The following ACACA variants were observed in gnomAD, a reference collection of about 807,000 sequenced individuals.
ACACA encodes the protein acetyl-CoA carboxylase 1.
In ACACA, 103 loss-of-function variants were observed where a neutral mutation model predicts 296.1. That is an observed-to-expected ratio of 0.35 (90% CI 0.30 to 0.41). The LOEUF is 0.41. Ranked by LOEUF, ACACA falls within the 10% of genes least tolerant of loss-of-function variation. The pLI, the probability that ACACA is intolerant of heterozygous loss-of-function variation, is 1.00. For missense variants in ACACA, 1,554 were observed against 2,989.7 expected (o/e 0.52, Z 11.20); for synonymous variants, 953 against 1,038.6 (o/e 0.92, Z 1.58).
chr17:37,278,901 C>T (rs1372450196), intron 5 of ACACA, among the ~76,000 whole-genome samples: 1 of 152,090 alleles, frequency 6.6e-6, no homozygotes, highest in African/African-American at 2.4e-5. Flanking sequence ...TTCCAGGATA[C>T]ATGTGCAGGA....
At chr17:37,336,532 T>C (rs557579031) in intron 2 of ACACA, among the ~76,000 whole-genome samples, 1 of 152,126 alleles carries the variant, frequency 6.6e-6, no homozygotes, top group Admixed American at 6.6e-5. Flanking sequence ...GATAAAGAAA[T>C]AGCCAATCAT....
chr17:37,296,890 T>G (rs1316963918), intron 3 of ACACA, among the ~76,000 whole-genome samples: 3 of 151,152 alleles, frequency 2.0e-5, no homozygotes, highest in Admixed American at 6.6e-5. Flanking sequence ...CTAATTTTTG[T>G]ATTTTTAGTA....
At chr17:37,197,264 G>T (rs528634779) in intron 35 of ACACA, among the ~76,000 whole-genome samples, 7 of 152,216 alleles carry the variant, frequency 4.6e-5, no homozygotes, top group African/African-American at 1.4e-4. Flanking sequence ...CTCTACTCTG[G>T]CCCTCATTTG....
chr17:37,238,102 C>T lies in ACACA; in HGVS notation c.3121+2374G>A, dbSNP rs1598279459. On this transcript the variant is annotated intron_variant, in intron 24 of 55. Transcript: ENST00000616317. ...AGTTCTTGAGTGGAGTTTAAGTAAT[C>T]AATCTTTTCTTTTGTAGTTTGTACT... 3.3e-5 allele frequency among the ~76,000 whole-genome samples: 5 copies of T among 152,242 alleles called. 1 individual carries two copies. The highest frequency in any genetic ancestry group is 3.3e-4 in the Admixed American group (5 of 15,282).
intron 35 of ACACA, among the ~76,000 whole-genome samples, chr17:37,197,235 T>A (rs2078044388): frequency 6.6e-6 from 1 of 152,216 alleles, no homozygotes; most frequent in African/African-American, 2.4e-5. Flanking sequence ...CCTAACAATA[T>A]ACACAGCTCT....
At chr17:37,196,638 T>C (rs2078013404) in intron 35 of ACACA, among the ~76,000 whole-genome samples, 1 of 151,630 alleles carries the variant, frequency 6.6e-6, no homozygotes, top group African/African-American at 2.4e-5. Flanking sequence ...AAAAAAAGCA[T>C]AATATTATAT....
intron 3 of ACACA, among the ~76,000 whole-genome samples, chr17:37,288,695 C>T (rs560345517): frequency 6.6e-6 from 1 of 152,116 alleles, no homozygotes; most frequent in South Asian, 2.1e-4. Flanking sequence ...CCCAGGAGTT[C>T]AAGACCAGCC....
intron 41 of ACACA, among the ~76,000 whole-genome samples, chr17:37,173,164 G>A (rs2076940076): frequency 6.6e-6 from 1 of 152,048 alleles, no homozygotes; most frequent in African/African-American, 2.4e-5. Flanking sequence ...ATGAGAAATG[G>A]CCTACCCTTT....
chr17:37,194,946 G>A (rs1162812392), intron 35 of ACACA, among the ~76,000 whole-genome samples: 8 of 143,948 alleles, frequency 5.6e-5, no homozygotes, highest in South Asian at 4.2e-4. Context: ...CCCCCCACCC[G>A]TTATGAGAGT....
chr17:37,087,267 T>C lies in ACACA; in HGVS notation c.*49A>G. 1 of 1,613,086 alleles carries C rather than the reference T, an allele frequency of 6.2e-7. No homozygotes were observed. The highest frequency in any genetic ancestry group is 1.1e-5 in the South Asian group (1 of 91,032). ...AGTGGTTACAGTTGTAAAAGGCAGC[T>C]CTAGCCCTTTTCTCCAGAGACAGGG... On this transcript the variant is annotated 3_prime_UTR_variant, in exon 56 of 56. Coordinates refer to ENST00000616317, the MANE Select transcript of ACACA (RefSeq NM_198834.3).
At chr17:37,153,025 C>A (rs987909997) in intron 43 of ACACA, among the ~76,000 whole-genome samples, 3 of 152,172 alleles carry the variant, frequency 2.0e-5, no homozygotes, top group Admixed American at 2.0e-4. Context: ...TGTATCTAGA[C>A]TCTATCCTAA....
In ACACA at chr17:37,257,759, A is replaced by G; in HGVS notation, c.1770T>C (p.Ala590=). ...VAAAGGLHEF[A]DSQFGHCFSW... ...AAAAGCAGTGACCAAACTGAGAATC[A>G]GCAAATTCATGAAGTCCCCCTGCAG... is the stretch of plus-strand genomic sequence containing the variant. Residue 590 remains alanine, a synonymous_variant, in exon 14 of 56, where the codon GCT becomes GCC. Transcript: ENST00000616317. 1.9e-6 allele frequency: 3 copies of G among 1,614,218 alleles called. No individual in the cohort carries two copies. The highest frequency in any genetic ancestry group is 2.5e-6 in the Non-Finnish European group (3 of 1,180,036).
intron 35 of ACACA, among the ~76,000 whole-genome samples, chr17:37,193,633 T>G (rs1362625006): frequency 1.3e-5 from 2 of 152,150 alleles, no homozygotes; most frequent in Non-Finnish European, 2.9e-5. Flanking sequence ...ATAAACCTAA[T>G]TTTAGTATCT....
chr17:37,286,616 T>C (rs1048935494), intron 3 of ACACA, among the ~76,000 whole-genome samples: 1 of 152,204 alleles, frequency 6.6e-6, no homozygotes, highest in Non-Finnish European at 1.5e-5. Context: ...AGAGACTTAA[T>C]TCCAGTCTCT....
At chr17:37,168,004 G>C (rs972502717) in intron 41 of ACACA, among the ~76,000 whole-genome samples, 1 of 152,086 alleles carries the variant, frequency 6.6e-6, no homozygotes, top group Non-Finnish European at 1.5e-5. Context: ...ATTAGAAAAG[G>C]GTTCAGACTC....
rs758532493 is a variant in ACACA at position 37,122,512 on chromosome 17, T to C, written c.6138+19A>G. 2 of 1,601,646 alleles carry C rather than the reference T, an allele frequency of 1.2e-6. No homozygotes were observed. Among genetic ancestry groups the C allele is most frequent in the South Asian group, 2.2e-5 (2 of 90,814 alleles). ...AAAACCCTCCAAGCACAGCCCCCAG[T>C]GTACTTGAGGTGGCCTACCTTGGCT... On this transcript the variant is annotated intron_variant, in intron 49 of 55. Transcript: ENST00000616317.
rs1165628933 is a variant in ACACA, at chr17:37,122,519, G to A, written c.6138+12C>T. ...TCCAAGCACAGCCCCCAGTGTACTT[G>A]AGGTGGCCTACCTTGGCTTCAGAAT... On this transcript the variant is annotated intron_variant, in intron 49 of 55. Coordinates refer to ENST00000616317, the MANE Select transcript of ACACA (RefSeq NM_198834.3). The A allele has an allele frequency of 6.2e-7, 1 of 1,611,092 alleles. No individual in the cohort carries two copies. Among genetic ancestry groups the A allele is most frequent in the East Asian group, 2.2e-5 (1 of 44,854 alleles).
Position 37,381,090 on chromosome 17 carries a change from A to C in ACACA, c.38+25172T>G, listed in dbSNP as rs1265779591. On this transcript the variant is annotated intron_variant, in intron 1 of 55. Coordinates refer to ENST00000616317, the MANE Select transcript of ACACA (RefSeq NM_198834.3). The stretch of plus-strand genomic sequence containing the variant: ...ACTCTAAGAATGTATGAATGTGCAT[A>C]TTTTAAAAACATAAATGGTAACATA... 2.6e-5 allele frequency among the ~76,000 whole-genome samples: 4 copies of C among 152,022 alleles called. No individual in the cohort carries two copies. In the South Asian group the frequency reaches 6.2e-4, roughly 24 times the overall value.
chr17:37,108,722 C>T (rs1002227346), intron 52 of ACACA, among the ~76,000 whole-genome samples: 2 of 152,160 alleles, frequency 1.3e-5, no homozygotes, highest in African/African-American at 2.4e-5. Flanking sequence ...ATCAGTTGTG[C>T]GCTGGTTTGT....
Sources: gnomAD v4.1 joint callset for allele counts (sites outside exome capture counted in the v4.1 genomes callset) on GRCh38, gnomAD v4.1.1 for gene constraint, MANE v1.5 for transcripts, NCBI Gene and HGNC (gene_info 2026-07-23, HGNC 2026-07-21) for gene names.